The following PIK3C3 variants were observed in gnomAD, a reference collection of about 807,000 sequenced individuals.
The protein encoded by PIK3C3 is phosphatidylinositol 3-kinase catalytic subunit type 3.
PIK3C3 carries 95 observed loss-of-function variants against 126.1 expected under a neutral mutation model. That is an observed-to-expected ratio of 0.75 (90% confidence interval 0.64 to 0.89). The LOEUF (loss-of-function observed/expected upper bound fraction) is 0.89. Ranked by LOEUF, PIK3C3 falls within the 40% of genes least tolerant of loss-of-function variation. The pLI is 0.00. For synonymous variants in PIK3C3, 374 were observed against 360.0 expected (o/e 1.04, Z -0.44); for missense variants, 829 against 1,063.2 (o/e 0.78, Z 3.06).
At chr18:42,045,944 A>C (rs2081502955) in intron 20 of PIK3C3, among the ~76,000 whole-genome samples, 1 of 152,178 alleles carries the variant, frequency 6.6e-6, no homozygotes, top group Non-Finnish European at 1.5e-5. Context: ...TATTGACTAC[A>C]ATTTGAAAAT....
intron 3 of PIK3C3, among the ~76,000 whole-genome samples, chr18:41,965,879 A>G (rs560728743): frequency 2.5e-4 from 38 of 152,314 alleles, no homozygotes; most frequent in Middle Eastern, 3.4e-3. Context: ...AAGGATTTCT[A>G]TAAAGGGAGC....
intron 24 of PIK3C3, among the ~76,000 whole-genome samples, chr18:42,079,998 AGTGTGTGT>A (rs71174081): frequency 8.0e-5 from 11 of 137,430 alleles, no homozygotes; most frequent in African/African-American, 2.6e-4. Flanking sequence ...TAAGAGAGAG[AGTGTGTGT>A]GTGTGTGTGT....
intron 13 of PIK3C3, among the ~76,000 whole-genome samples, chr18:42,023,327 A>G (rs1335856489): frequency 1.3e-5 from 2 of 152,248 alleles, no homozygotes; most frequent in African/African-American, 4.8e-5. Context: ...TCAAGTAGGC[A>G]GAATTTTCTG....
chr18:42,081,790 T>C lies in PIK3C3; in HGVS notation c.*653T>C, dbSNP rs751176794. On this transcript the variant is annotated 3_prime_UTR_variant, in exon 25 of 25. Transcript: ENST00000262039. Reference sequence around the variant, plus strand: ...GTTAATAGTTCTTCTAGCTTGTAAGTGTGTAAAGTAGAATATGAAAATGTG... The same window carrying C: ...GTTAATAGTTCTTCTAGCTTGTAAGCGTGTAAAGTAGAATATGAAAATGTG... 6.6e-6 allele frequency: 1 copy of C among 152,210 alleles called. No homozygotes were observed. The highest frequency in any genetic ancestry group is 2.1e-4 in the South Asian group (1 of 4,834). The allele number at this position is 152,210 out of a possible 1,614,324, so 9.4% of individuals were successfully genotyped here. A position where few individuals can be genotyped will look rare whatever the true frequency, so the allele number is the denominator to read the frequency against.
At chr18:41,994,507 C>A (rs1019189049) in intron 7 of PIK3C3, among the ~76,000 whole-genome samples, 7 of 151,910 alleles carry the variant, frequency 4.6e-5, no homozygotes, top group South Asian at 2.1e-4. Context: ...ACTATAATTA[C>A]AATAATGTGG....
intron 6 of PIK3C3, 81 bp downstream of exon 6, chr18:41,990,635 A>T (rs1159427411): frequency 2.6e-6 from 2 of 755,956 alleles, no homozygotes; most frequent in East Asian, 2.6e-5. Context: ...TCCTGCTGGG[A>T]TGAATTATTT....
chr18:41,969,360 C>T (rs1264686526), intron 3 of PIK3C3, among the ~76,000 whole-genome samples: 1 of 152,142 alleles, frequency 6.6e-6, no homozygotes, highest in Admixed American at 6.5e-5. Context: ...AACAGAAGAA[C>T]ATCTTTAACC....
chr18:41,978,398 T>C (rs1481503763), intron 4 of PIK3C3, among the ~76,000 whole-genome samples: 2 of 152,190 alleles, frequency 1.3e-5, no homozygotes, highest in Non-Finnish European at 2.9e-5. Context: ...GTTAGGGATA[T>C]GTCAGTTCTC....
At chr18:41,999,895 C>T (rs914871733) in intron 9 of PIK3C3, among the ~76,000 whole-genome samples, 4 of 151,940 alleles carry the variant, frequency 2.6e-5, no homozygotes, top group African/African-American at 9.7e-5. Context: ...GTAAGGTAGG[C>T]TGTTAGGTTC....
At chr18:42,066,089 A>G (rs1313230137) in intron 23 of PIK3C3, among the ~76,000 whole-genome samples, 1 of 152,224 alleles carries the variant, frequency 6.6e-6, no homozygotes, top group East Asian at 1.9e-4. Context: ...AGGAAATCAA[A>G]AGATCGAACT....
intron 21 of PIK3C3, among the ~76,000 whole-genome samples, chr18:42,057,059 C>T (rs1309010891): frequency 3.2e-5 from 3 of 94,866 alleles, no homozygotes; most frequent in Admixed American, 1.1e-4. Flanking sequence ...TAGAAATGAA[C>T]CCCCCCCCCC....
At chr18:42,076,133 T>TATATATATGCACATATATATATGCAC (rs1555643385) in intron 24 of PIK3C3, among the ~76,000 whole-genome samples, 6 of 91,802 alleles carry the variant, frequency 6.5e-5, no homozygotes, top group African/African-American at 3.8e-4. Context: ...CGCATATATA[T>TATATATATGCACATATATATATGCAC]ATATATATAT....
chr18:42,067,452 T>C lies in PIK3C3; in HGVS notation c.2588T>C (p.Ile863Thr), dbSNP rs1425600536. 1.9e-6 allele frequency: 3 copies of C among 1,614,118 alleles called. No individual in the cohort carries two copies. The highest frequency in any genetic ancestry group is 1.7e-6 in the Non-Finnish European group (2 of 1,179,964). Residue 863 changes from isoleucine (I) to threonine (T), a missense_variant, in exon 24 of 25, where the codon ATT becomes ACT. Ile to Thr is a moderately conservative substitution (Grantham distance 89). Coordinates refer to ENST00000262039, the MANE Select transcript of PIK3C3 (RefSeq NM_002647.4). ...GCTGTGCATTACATGCAGAGTCTGATTGATGAGAGTGTCCATGCTCTTTTT... is the reference window on the plus strand; with the variant it reads ...GCTGTGCATTACATGCAGAGTCTGACTGATGAGAGTGTCCATGCTCTTTTT... ...EEAVHYMQSL[I>T]DESVHALFAA...
At chr18:42,025,631 A>G (rs760790304) in intron 13 of PIK3C3, 11 of 152,236 alleles carry the variant, frequency 7.2e-5, no homozygotes, top group Non-Finnish European at 1.5e-4. Flanking sequence ...AAAAAATTCA[A>G]TTTAATGTGA....
chr18:42,008,638 T>C (rs1982661546), intron 10 of PIK3C3, among the ~76,000 whole-genome samples: 1 of 152,138 alleles, frequency 6.6e-6, no homozygotes, highest in East Asian at 1.9e-4. Flanking sequence ...TTCATAGCTC[T>C]TGGGAAGTAT....
intron 20 of PIK3C3, among the ~76,000 whole-genome samples, chr18:42,049,065 G>A (rs1337260373): frequency 6.6e-6 from 1 of 152,090 alleles, no homozygotes; most frequent in Non-Finnish European, 1.5e-5. Context: ...CTTCATAAAT[G>A]TCTTTACCAC....
Position 42,001,171 on chromosome 18 carries a change from T to C in PIK3C3, c.985-3185T>C, listed in dbSNP as rs992851709. 2.0e-5 allele frequency among the ~76,000 whole-genome samples: 3 copies of C among 152,344 alleles called. 1 individual carries two copies. Among genetic ancestry groups the C allele is most frequent in the South Asian group, 4.1e-4 (2 of 4,832 alleles). On this transcript the variant is annotated intron_variant, in intron 9 of 24. Transcript: ENST00000262039. ...AATGAATAAAACATAGTAACACATATAGTAAAGCTAACATTTGATGTCAAC... is the reference window on the plus strand; with the variant it reads ...AATGAATAAAACATAGTAACACATACAGTAAAGCTAACATTTGATGTCAAC...
chr18:42,024,482 C>T (rs1983464660), intron 13 of PIK3C3, among the ~76,000 whole-genome samples: 1 of 151,582 alleles, frequency 6.6e-6, no homozygotes, highest in African/African-American at 2.4e-5. Flanking sequence ...GTTGCCCAGG[C>T]TGGAGTGCAA....
At chr18:42,069,652 C>T (rs535775773) in intron 24 of PIK3C3, among the ~76,000 whole-genome samples, 4 of 152,256 alleles carry the variant, frequency 2.6e-5, no homozygotes, top group Admixed American at 2.0e-4. Flanking sequence ...GGGATTTACC[C>T]GTTGTAGTTG....
Sources: allele counts gnomAD v4.1 joint callset (sites outside exome capture counted in the v4.1 genomes callset), GRCh38; gene constraint gnomAD v4.1.1; transcripts MANE v1.5; gene names NCBI Gene and HGNC (gene_info 2026-07-23, HGNC 2026-07-21).